The following KLHL20 variants were observed in gnomAD, a reference collection of about 807,000 sequenced individuals.
The protein encoded by KLHL20 is kelch-like protein 20.
Under a neutral mutation model 69.5 loss-of-function variants are expected in KLHL20, and 29 were observed. The observed-to-expected ratio is 0.42, with a 90% CI of 0.31 to 0.57. The LOEUF (loss-of-function observed/expected upper bound fraction) is 0.57, where lower values mean the gene tolerates loss of function less well. KLHL20 is among the 20% of genes least tolerant of loss of function. The probability of loss-of-function intolerance (pLI) is 0.18; values close to 1 mark genes in which losing one functional copy is unlikely to be tolerated. For synonymous variants in KLHL20, 253 were observed against 265.2 expected (o/e 0.95, Z 0.45); for missense variants, 419 against 776.0 (o/e 0.54, Z 5.47).
At chr1:173,765,098 C>T (rs1437004525) in intron 7 of KLHL20, among the ~76,000 whole-genome samples, 1 of 151,458 alleles carries the variant, frequency 6.6e-6, no homozygotes, top group African/African-American at 2.4e-5. Flanking sequence ...ATGAATCATG[C>T]TTTTAAGTCA....
At chr1:173,769,303 A>G (rs1288176842) in intron 8 of KLHL20, among the ~76,000 whole-genome samples, 1 of 152,054 alleles carries the variant, frequency 6.6e-6, no homozygotes, top group Non-Finnish European at 1.5e-5. Flanking sequence ...ATAAAATAAC[A>G]CCTGGTTGGG....
chr1:173,753,847 G>T (rs1023783290), intron 5 of KLHL20, among the ~76,000 whole-genome samples: 2 of 151,878 alleles, frequency 1.3e-5, no homozygotes, highest in Non-Finnish European at 2.9e-5. Flanking sequence ...TTTTTCAAAG[G>T]GGGGGAAAAA....
intron 3 of KLHL20, among the ~76,000 whole-genome samples, chr1:173,737,245 T>C (rs1283095205): frequency 6.6e-6 from 1 of 152,260 alleles, no homozygotes; most frequent in Admixed American, 6.5e-5. Flanking sequence ...CATCTATTTA[T>C]CTTTGTTTTT....
In KLHL20 at chr1:173,716,070, G is replaced by C. The variant is rs1344945971; in HGVS notation, c.23+4G>C. The C allele has an allele frequency of 1.2e-6, 2 of 1,613,390 alleles. No individual in the cohort carries two copies. Among genetic ancestry groups the C allele is most frequent in the Admixed American group, 1.7e-5 (1 of 60,008 alleles). ...TGGAAGGAAAGCCAATGCGCAGGTA[G>C]GCATTTAGGAAGAAAACCTTTGGTT... On this transcript the variant is annotated splice_donor_region_variant and intron_variant, in intron 2 of 11. Coordinates refer to ENST00000209884, the MANE Select transcript of KLHL20 (RefSeq NM_014458.4).
At chr1:173,743,522 T>G (rs1225699900) in intron 3 of KLHL20, among the ~76,000 whole-genome samples, 1 of 150,332 alleles carries the variant, frequency 6.7e-6, no homozygotes, top group African/African-American at 2.5e-5. Flanking sequence ...CTATGATGGT[T>G]GCAAAGTGGT....
chr1:173,770,421 G>A (rs1338306402), intron 8 of KLHL20, among the ~76,000 whole-genome samples: 5 of 152,152 alleles, frequency 3.3e-5, no homozygotes, highest in African/African-American at 1.2e-4. Flanking sequence ...ATGAAGGCCG[G>A]GCACAGTGGC....
intron 3 of KLHL20, among the ~76,000 whole-genome samples, chr1:173,741,260 A>C (rs1013945296): frequency 6.6e-6 from 1 of 152,194 alleles, no homozygotes; most frequent in Admixed American, 6.5e-5. Flanking sequence ...GTAAAAGTTC[A>C]CAGTGTGAAT....
rs138221867 is a variant in KLHL20 at position 173,735,401 on chromosome 1, G to A, written c.597+1115G>A. 7.6e-3 allele frequency among the ~76,000 whole-genome samples: 1,142 copies of A among 151,180 alleles called. 9 individuals carry two copies. The highest frequency in any genetic ancestry group is 0.012 in the Non-Finnish European group (798 of 67,878). On this transcript the variant is annotated intron_variant, in intron 3 of 11. Transcript: ENST00000209884. ...GTAGAGGTTGCAGTGAGCCAAGATC[G>A]TGCCACTGCACTCCAGCCTGGGTGA...
At chr1:173,717,750 CT>C (rs1671531858) in intron 2 of KLHL20, among the ~76,000 whole-genome samples, 1 of 152,050 alleles carries the variant, frequency 6.6e-6, no homozygotes, top group African/African-American at 2.4e-5. Flanking sequence ...TTGAATAGGA[CT>C]GAACAGTTTC....
In KLHL20 at chr1:173,733,872, G is replaced by A; in HGVS notation, c.183G>A (p.Leu61=). The change falls in exon 3 of 12, where the codon CTG becomes CTA. Residue 61 remains leucine (L), a synonymous_variant. Coordinates refer to ENST00000209884, the MANE Select transcript of KLHL20 (RefSeq NM_014458.4). The stretch of plus-strand genomic sequence containing the variant: ...AAACCTTGGAAGTGATTAACCTTCT[G>A]AGAAAGCACCGGGAGCTATGTGATG... The part of the protein sequence containing the change: ...PRQTLEVINL[L]RKHRELCDVV... The A allele has an allele frequency of 1.2e-6, 2 of 1,614,130 alleles. No individual in the cohort carries two copies. Among genetic ancestry groups the A allele is most frequent in the Non-Finnish European group, 1.7e-6 (2 of 1,180,036 alleles).
intron 2 of KLHL20, among the ~76,000 whole-genome samples, chr1:173,721,470 G>A (rs1393127824): frequency 6.6e-6 from 1 of 152,190 alleles, no homozygotes; most frequent in Non-Finnish European, 1.5e-5. Flanking sequence ...CATATGGGAA[G>A]GGCTGTGTGA....
chr1:173,760,978 T>C (rs1413558373), intron 7 of KLHL20, among the ~76,000 whole-genome samples: 1 of 152,228 alleles, frequency 6.6e-6, no homozygotes, highest in Admixed American at 6.5e-5. Context: ...ACCAACCATC[T>C]GCTGCCTTTG....
chr1:173,751,274 G>T (rs1431570189), intron 3 of KLHL20, among the ~76,000 whole-genome samples: 1 of 152,136 alleles, frequency 6.6e-6, no homozygotes, highest in Non-Finnish European at 1.5e-5. Flanking sequence ...ATATATTAGA[G>T]AGTTTGATCG....
At chr1:173,757,838 T>C (rs1345981391) in intron 7 of KLHL20, among the ~76,000 whole-genome samples, 2 of 152,194 alleles carry the variant, frequency 1.3e-5, no homozygotes, top group East Asian at 3.8e-4. Context: ...CATTGTACTA[T>C]ACGTGTTGAA....
chr1:173,776,389 G>T (rs748406112), intron 10 of KLHL20, among the ~76,000 whole-genome samples: 2 of 151,934 alleles, frequency 1.3e-5, no homozygotes, highest in Non-Finnish European at 2.9e-5. Flanking sequence ...CACTTTGTTG[G>T]TTGTTTCCTT....
At chr1:173,725,645 A>G (rs947103550) in intron 2 of KLHL20, among the ~76,000 whole-genome samples, 3 of 152,230 alleles carry the variant, frequency 2.0e-5, no homozygotes, top group Non-Finnish European at 4.4e-5. Context: ...CCTTTAACAC[A>G]AGTTTAGACA....
intron 3 of KLHL20, among the ~76,000 whole-genome samples, chr1:173,748,595 A>G (rs1204927028): frequency 1.3e-5 from 2 of 152,154 alleles, no homozygotes; most frequent in Admixed American, 1.3e-4. Flanking sequence ...TCCACTTTCC[A>G]AAAATAAAGA....
At chr1:173,728,491 A>T (rs1271439876) in intron 2 of KLHL20, among the ~76,000 whole-genome samples, 1 of 152,214 alleles carries the variant, frequency 6.6e-6, no homozygotes, top group African/African-American at 2.4e-5. Flanking sequence ...ACATAGTTGG[A>T]AGTAAAGCTC....
intron 10 of KLHL20, among the ~76,000 whole-genome samples, chr1:173,781,554 G>A (rs1374189064): frequency 2.6e-5 from 4 of 152,108 alleles, no homozygotes; most frequent in African/African-American, 4.8e-5. Flanking sequence ...GGGCTCAAGC[G>A]ATCCACCGAC....
Sources: allele counts gnomAD v4.1 joint callset (sites outside exome capture counted in the v4.1 genomes callset), GRCh38; gene constraint gnomAD v4.1.1; transcripts MANE v1.5; gene names NCBI Gene and HGNC (gene_info 2026-07-23, HGNC 2026-07-21).